The following FMN1 variants were observed in gnomAD, a reference collection of about 807,000 sequenced individuals.
FMN1 encodes formin-1.
FMN1 carries 110 observed loss-of-function variants against 132.4 expected under a neutral mutation model. The ratio of observed to expected loss-of-function variants is 0.83; its 90% CI spans 0.71 to 0.97. FMN1 has a LOEUF of 0.97. Among genes scored for constraint, FMN1 ranks in the 50% least tolerant of loss-of-function variants. The probability of loss-of-function intolerance (pLI) is 0.00; values close to 1 mark genes in which losing one functional copy is unlikely to be tolerated. For synonymous variants in FMN1, 722 were observed against 651.7 expected (o/e 1.11, Z -1.64); for missense variants, 1,792 against 1,705.3 (o/e 1.05, Z -0.90).
At chr15:32,950,414 T>A (rs1416857391) in intron 9 of FMN1, among the ~76,000 whole-genome samples, 1 of 152,026 alleles carries the variant, frequency 6.6e-6, no homozygotes, top group South Asian at 2.1e-4. Context: ...CCATTCACAA[T>A]AGCAAAGACA....
intron 19 of FMN1, among the ~76,000 whole-genome samples, chr15:32,795,537 C>T (rs1258746): frequency 0.65 from 98,298 of 150,446 alleles, 32,797 homozygotes; most frequent in Admixed American, 0.73. Flanking sequence ...ATGTGACAAT[C>T]GGGTTCCCAG....
chr15:32,947,917 C>G (rs943592110), intron 9 of FMN1, among the ~76,000 whole-genome samples: 26 of 152,036 alleles, frequency 1.7e-4, no homozygotes, highest in Admixed American at 1.0e-3. Flanking sequence ...CGTTTCATTT[C>G]TTCCTTTCCA....
At chr15:33,171,504 TA>T (rs147493970) in intron 3 of FMN1, among the ~76,000 whole-genome samples, 5,798 of 152,280 alleles carry the variant, frequency 0.038, 394 homozygotes, top group African/African-American at 0.13. Flanking sequence ...ATATGTCGAT[TA>T]AAAAAACTTG....
intron 17 of FMN1, among the ~76,000 whole-genome samples, chr15:32,821,882 G>A (rs1033628920): frequency 7.2e-5 from 11 of 152,022 alleles, no homozygotes; most frequent in African/African-American, 2.7e-4. Context: ...AAATTCTACG[G>A]TCACATCCAA....
chr15:32,775,508 G>A lies in FMN1; in HGVS notation c.4216-1154C>T, dbSNP rs375133937. On this transcript the variant is annotated intron_variant, in intron 20 of 20. Transcript: ENST00000616417. ...CCAAATAAAAGGTCTGAGGAAGAGGGAGAGGCTCATGAAGGAAGAAGACAA... is the reference window on the plus strand; with the variant it reads ...CCAAATAAAAGGTCTGAGGAAGAGGAAGAGGCTCATGAAGGAAGAAGACAA... Among the ~76,000 whole-genome samples, 37 of 152,294 alleles carry A rather than the reference G, an allele frequency of 2.4e-4. No individual in the cohort carries two copies. The East Asian group carries it at 4.1e-3, about 17-fold the overall frequency.
rs144080306 is a variant in FMN1 at position 33,098,843 on chromosome 15, T to C, written c.1868-9869A>G. On this transcript the variant is annotated intron_variant, in intron 4 of 20. Transcript: ENST00000616417. The stretch of plus-strand genomic sequence containing the variant: ...GGTTCCTGTAATACTCTCTCCTCCC[T>C]TTCCCCTTCAGGCCTAAGGTTGGTA... 2.7e-3 allele frequency among the ~76,000 whole-genome samples: 409 copies of C among 152,284 alleles called. 2 individuals carry two copies. The highest frequency in any genetic ancestry group is 9.4e-3 in the African/African-American group (389 of 41,538).
intron 5 of FMN1, among the ~76,000 whole-genome samples, chr15:33,073,063 G>A (rs1178504769): frequency 6.6e-6 from 1 of 152,164 alleles, no homozygotes; most frequent in Non-Finnish European, 1.5e-5. Flanking sequence ...TAGGAGATCA[G>A]CAATAAAAAT....
intron 6 of FMN1, among the ~76,000 whole-genome samples, chr15:33,009,364 T>C (rs2034584524): frequency 1.3e-5 from 2 of 152,148 alleles, no homozygotes; most frequent in South Asian, 4.1e-4. Context: ...AACCAGATCA[T>C]CTCATCCTTG....
intron 4 of FMN1, chr15:33,106,235 T>C (rs1566920358): frequency 6.6e-6 from 1 of 151,918 alleles, no homozygotes; most frequent in Non-Finnish European, 1.5e-5. Flanking sequence ...CATAATGTTC[T>C]GTAAATAAAT....
At chr15:32,981,293 C>T (rs1337819387) in intron 7 of FMN1, among the ~76,000 whole-genome samples, 2 of 151,756 alleles carry the variant, frequency 1.3e-5, no homozygotes, top group African/African-American at 2.4e-5. Context: ...AGATTGAGAC[C>T]ATCCTGGTTA....
chr15:32,783,295 C>T (rs1279906077), intron 19 of FMN1, among the ~76,000 whole-genome samples: 1 of 152,118 alleles, frequency 6.6e-6, no homozygotes, highest in Non-Finnish European at 1.5e-5. Flanking sequence ...TTATCTTTTC[C>T]TCTTTCTCAT....
At chr15:32,809,558 T>C (rs142093375) in intron 17 of FMN1, among the ~76,000 whole-genome samples, 254 of 152,274 alleles carry the variant, frequency 1.7e-3, no homozygotes, top group Admixed American at 3.7e-3. Flanking sequence ...ACTTGCTGCA[T>C]GGTGTCTTTA....
At chr15:33,139,256 C>T (rs942609939) in intron 4 of FMN1, among the ~76,000 whole-genome samples, 2 of 152,134 alleles carry the variant, frequency 1.3e-5, no homozygotes, top group East Asian at 1.9e-4. Context: ...AGCCACCAGG[C>T]AATTGCTTAT....
At chr15:33,051,996 G>A (rs12902177) in intron 6 of FMN1, among the ~76,000 whole-genome samples, 20,789 of 152,054 alleles carry the variant, frequency 0.14, 1,602 homozygotes, top group Middle Eastern at 0.22. Context: ...ACTTGCCTTC[G>A]TCTCTCACTC....
chr15:32,980,114 T>A (rs1189923230), intron 7 of FMN1, among the ~76,000 whole-genome samples: 1 of 152,136 alleles, frequency 6.6e-6, no homozygotes, highest in African/African-American at 2.4e-5. Flanking sequence ...TTAGGATGCC[T>A]CCTCTAAAAG....
chr15:32,888,856 G>A (rs989178912), intron 15 of FMN1, among the ~76,000 whole-genome samples: 4 of 139,738 alleles, frequency 2.9e-5, no homozygotes, highest in African/African-American at 1.1e-4. Context: ...CATATACACA[G>A]GTTTTTTTTT....
At chr15:32,873,729 T>C (rs1385340294) in intron 16 of FMN1, among the ~76,000 whole-genome samples, 1 of 151,900 alleles carries the variant, frequency 6.6e-6, no homozygotes, top group Non-Finnish European at 1.5e-5. Flanking sequence ...AGAGGCTAGG[T>C]GTCACAGATT....
chr15:33,141,440 C>T (rs1259460072), intron 4 of FMN1, among the ~76,000 whole-genome samples: 2 of 152,102 alleles, frequency 1.3e-5, no homozygotes, highest in Admixed American at 6.5e-5. Flanking sequence ...TTATGGGTAA[C>T]ATAACGTCAC....
At chr15:33,184,397 T>C (rs1289838857) in intron 2 of FMN1, among the ~76,000 whole-genome samples, 4 of 152,226 alleles carry the variant, frequency 2.6e-5, no homozygotes, top group Non-Finnish European at 5.9e-5. Context: ...TAGATCATTG[T>C]TATTTTCTTC....
Sources: allele counts gnomAD v4.1 joint callset (sites outside exome capture counted in the v4.1 genomes callset), GRCh38; gene constraint gnomAD v4.1.1; transcripts MANE v1.5; gene names NCBI Gene and HGNC (gene_info 2026-07-23, HGNC 2026-07-21).